Variants in LAPTM4B observed in about 807,000 individuals in gnomAD.
The protein encoded by LAPTM4B is lysosomal protein transmembrane 4 beta, also known as lysosomal-associated transmembrane protein 4B.
Under a neutral mutation model 28.5 loss-of-function variants are expected in LAPTM4B, and 26 were observed. The observed-to-expected ratio is 0.91, with a 90% CI of 0.67 to 1.27. The LOEUF is 1.27. Among genes scored for constraint, LAPTM4B ranks in the 50% most tolerant of loss-of-function variants. LAPTM4B has a pLI of 0.00. For synonymous variants in LAPTM4B, 109 were observed against 106.4 expected, an observed-to-expected ratio of 1.02 and a Z score of -0.15; for missense variants, 288 against 285.8, an observed-to-expected ratio of 1.01 and a Z score of -0.06.
intron 2 of LAPTM4B, among the ~76,000 whole-genome samples, chr8:97,813,710 ATTGTTG>A (rs149263924): frequency 1.3e-5 from 2 of 151,602 alleles, no homozygotes; most frequent in Admixed American, 6.6e-5. Flanking sequence ...AATGCATTTT[ATTGTTG>A]TTGTTTACAT....
intron 1 of LAPTM4B, among the ~76,000 whole-genome samples, chr8:97,794,935 C>T (rs1816558973): frequency 6.6e-6 from 1 of 152,176 alleles, no homozygotes; most frequent in South Asian, 2.1e-4. Context: ...TGGTCTCAAA[C>T]TCCTGACCTC....
At chr8:97,850,490 T>TATGTG (rs1452673289) in intron 6 of LAPTM4B, among the ~76,000 whole-genome samples, 1 of 33,038 alleles carries the variant, frequency 3.0e-5, no homozygotes, top group African/African-American at 2.6e-4. Flanking sequence ...GTGTGTGTGT[T>TATGTG]TGGGAGAGTG....
chr8:97,823,235 G>T (rs1026780773), intron 5 of LAPTM4B, among the ~76,000 whole-genome samples: 1 of 152,058 alleles, frequency 6.6e-6, no homozygotes, highest in Non-Finnish European at 1.5e-5. Flanking sequence ...GCAGGTCGAG[G>T]TTTTTCCCCT....
intron 4 of LAPTM4B, 68 bp downstream of exon 4, chr8:97,816,248 T>C: frequency 7.0e-7 from 1 of 1,433,770 alleles, no homozygotes; most frequent in African/African-American, 1.4e-5. Flanking sequence ...AAGTAAGGGA[T>C]GTGTAGAGAT....
chr8:97,841,031 G>A (rs11984570), intron 6 of LAPTM4B, among the ~76,000 whole-genome samples: 6,085 of 150,774 alleles, frequency 0.04, 359 homozygotes, highest in African/African-American at 0.14. Context: ...CAGATGGGGC[G>A]GCGGCTGGGC....
intron 1 of LAPTM4B, among the ~76,000 whole-genome samples, chr8:97,803,742 C>A (rs1258464102): frequency 6.6e-6 from 1 of 151,794 alleles, no homozygotes; most frequent in Non-Finnish European, 1.5e-5. Flanking sequence ...AACTCCTGGG[C>A]TCAGGCGATC....
chr8:97,808,503 A>G (rs7844717), intron 2 of LAPTM4B, among the ~76,000 whole-genome samples: 14,684 of 152,172 alleles, frequency 0.096, 2,372 homozygotes, highest in African/African-American at 0.33. Flanking sequence ...CTGTCCACAC[A>G]TGAGTTAAAT....
At chr8:97,814,153 C>T (rs751570724) in intron 2 of LAPTM4B, among the ~76,000 whole-genome samples, 1 of 152,140 alleles carries the variant, frequency 6.6e-6, no homozygotes, top group African/African-American at 2.4e-5. Flanking sequence ...GATCACACCA[C>T]TGCAACTCCA....
At chr8:97,835,324 T>A (rs1817244060) in intron 6 of LAPTM4B, among the ~76,000 whole-genome samples, 1 of 152,222 alleles carries the variant, frequency 6.6e-6, no homozygotes, top group Non-Finnish European at 1.5e-5. Context: ...ATACATATTA[T>A]TATCCAGATG....
intron 1 of LAPTM4B, among the ~76,000 whole-genome samples, chr8:97,781,232 G>T (rs1374165391): frequency 7.0e-6 from 1 of 143,806 alleles, no homozygotes; most frequent in Non-Finnish European, 1.5e-5. Context: ...ATCCGCCTTG[G>T]CCTCCCAAAG....
At chr8:97,824,955 G>T in intron 5 of LAPTM4B, 103 bp from the exon 6 acceptor site, 1 of 662,050 alleles carries the variant, frequency 1.5e-6, no homozygotes, top group South Asian at 1.8e-5. Flanking sequence ...TGCATTTATT[G>T]CTTATGTCAA....
chr8:97,844,751 GC>G (rs1817402887), intron 6 of LAPTM4B, among the ~76,000 whole-genome samples: 2 of 152,244 alleles, frequency 1.3e-5, no homozygotes, highest in Admixed American at 1.3e-4. Context: ...CCAGGCCTTT[GC>G]AGAAGCTCAT....
At chr8:97,814,762 C>T (rs959331473) in intron 2 of LAPTM4B, among the ~76,000 whole-genome samples, 3 of 118,360 alleles carry the variant, frequency 2.5e-5, no homozygotes, top group Admixed American at 2.5e-4. Context: ...GGCGCGATCT[C>T]GGCTCACTGC....
chr8:97,830,494 G>A, intron 6 of LAPTM4B, among the ~76,000 whole-genome samples: 1 of 152,330 alleles, frequency 6.6e-6, no homozygotes. Context: ...AGGGACCTAG[G>A]TAGACATTAA....
At chr8:97,793,284 T>G (rs983978251) in intron 1 of LAPTM4B, among the ~76,000 whole-genome samples, 1 of 152,212 alleles carries the variant, frequency 6.6e-6, no homozygotes, top group East Asian at 1.9e-4. Flanking sequence ...TGGCTGTTGA[T>G]GTATGTTTCT....
intron 6 of LAPTM4B, among the ~76,000 whole-genome samples, chr8:97,850,030 G>A (rs1817499527): frequency 6.6e-6 from 1 of 151,810 alleles, no homozygotes. Context: ...CTGTCCAATG[G>A]GCTTCAGCCA....
At chr8:97,776,220 A>T in intron 1 of LAPTM4B, 112 bp downstream of exon 1, 1 of 1,229,850 alleles carries the variant, frequency 8.1e-7, no homozygotes, top group Non-Finnish European at 1.1e-6. Context: ...CTAAAGTTGT[A>T]TTATTAGAAA....
intron 1 of LAPTM4B, among the ~76,000 whole-genome samples, chr8:97,776,924 G>T (rs1163840683): frequency 6.6e-6 from 1 of 151,978 alleles, no homozygotes; most frequent in South Asian, 2.1e-4. Flanking sequence ...AGCTAGTGAG[G>T]AAACCTGATG....
chr8:97,798,090 C>A (rs977709903), intron 1 of LAPTM4B, among the ~76,000 whole-genome samples: 1 of 152,186 alleles, frequency 6.6e-6, no homozygotes, highest in Non-Finnish European at 1.5e-5. Flanking sequence ...TCCTGGCAAG[C>A]CTGAGCGTCG....
Sources: allele counts gnomAD v4.1 joint callset (sites outside exome capture counted in the v4.1 genomes callset), GRCh38; gene constraint gnomAD v4.1.1; transcripts MANE v1.5; gene names NCBI Gene and HGNC (gene_info 2026-07-23, HGNC 2026-07-21).